The following CACNA1C variants were observed in gnomAD, a reference collection of about 807,000 sequenced individuals.
CACNA1C encodes the protein voltage-dependent L-type calcium channel subunit alpha-1C.
In CACNA1C, 30 loss-of-function variants were observed where a neutral mutation model predicts 229.0. That is an observed-to-expected ratio of 0.13 (90% CI 0.10 to 0.18). The LOEUF is 0.18. Among genes scored for constraint, CACNA1C ranks in the 10% least tolerant of loss-of-function variants. CACNA1C has a pLI of 1.00. For missense variants in CACNA1C, 1,658 were observed against 2,845.0 expected (o/e 0.58, Z 9.49); for synonymous variants, 1,114 against 1,132.5 (o/e 0.98, Z 0.33).
At chr12:2,218,090 C>T (rs527309691) in intron 3 of CACNA1C, among the ~76,000 whole-genome samples, 96 of 152,334 alleles carry the variant, frequency 6.3e-4, no homozygotes, top group African/African-American at 2.3e-3. Context: ...ACACCAGATT[C>T]TTTCTCGGTC....
intron 29 of CACNA1C, among the ~76,000 whole-genome samples, chr12:2,615,570 G>A (rs2080048300): frequency 6.8e-6 from 1 of 147,624 alleles, no homozygotes; most frequent in East Asian, 2.1e-4. Flanking sequence ...GCACTTTGCT[G>A]GAGGTGAGGA....
chr12:2,391,798 C>T (rs1443004106), intron 3 of CACNA1C, among the ~76,000 whole-genome samples: 3 of 152,168 alleles, frequency 2.0e-5, no homozygotes, highest in East Asian at 1.9e-4. Context: ...CCTGGGCTAT[C>T]GAATCCACTA....
At chr12:2,190,115 G>C (rs2097164861) in intron 3 of CACNA1C, among the ~76,000 whole-genome samples, 1 of 152,220 alleles carries the variant, frequency 6.6e-6, no homozygotes, top group Admixed American at 6.5e-5. Context: ...AAAATTTATT[G>C]GAAGGAGGGA....
intron 3 of CACNA1C, among the ~76,000 whole-genome samples, chr12:2,413,057 G>A (rs774064870): frequency 3.3e-5 from 5 of 152,182 alleles, no homozygotes; most frequent in Non-Finnish European, 5.9e-5. Context: ...TCGCTCTGTC[G>A]CCCAGGCTGG....
chr12:2,605,591 T>A lies in CACNA1C; in HGVS notation c.3049-88T>A, dbSNP rs2074950302. On this transcript the variant is annotated intron_variant, in intron 23 of 46. Coordinates refer to ENST00000399655, the MANE Select transcript of CACNA1C (RefSeq NM_000719.7). The surrounding 1 kb of genome is among the most constrained non-coding windows in gnomAD (Gnocchi z 6.2). ...CTCTCAGCCCAATTACTCCCCGTTG[T>A]GGCAAACGGGCTGCCCCTGCTACCT... is the stretch of plus-strand genomic sequence containing the variant. The A allele has an allele frequency of 2.2e-6, 2 of 921,062 alleles. No individual in the cohort carries two copies. The highest frequency in any genetic ancestry group is 2.7e-5 in the South Asian group (2 of 74,418). 57.1% of individuals were successfully genotyped at this position (921,062 alleles called of 1,614,324 possible).
chr12:2,342,854 A>G (rs2096904587), intron 3 of CACNA1C, among the ~76,000 whole-genome samples: 1 of 152,206 alleles, frequency 6.6e-6, no homozygotes, highest in Non-Finnish European at 1.5e-5. Context: ...CCTCCTTCCC[A>G]GCAGTGAAAC....
At chr12:2,558,476 G>T (rs1018690640) in intron 11 of CACNA1C, among the ~76,000 whole-genome samples, 1 of 152,206 alleles carries the variant, frequency 6.6e-6, no homozygotes, top group Non-Finnish European at 1.5e-5. Flanking sequence ...CTATACCTCA[G>T]CTGAGGACAT....
chr12:2,003,558 C>A (rs1174209325), intron 1 of CACNA1C, among the ~76,000 whole-genome samples: 1 of 152,160 alleles, frequency 6.6e-6, no homozygotes, highest in African/African-American at 2.4e-5. Flanking sequence ...AGGCTTCTAC[C>A]CCATTCTAAC....
At chr12:2,500,906 C>G (rs181303721) in intron 7 of CACNA1C, among the ~76,000 whole-genome samples, 7 of 151,978 alleles carry the variant, frequency 4.6e-5, no homozygotes, top group Non-Finnish European at 7.4e-5. Flanking sequence ...CTGCCCCACC[C>G]TCTCAAAAAA....
chr12:2,577,342 G>A (rs150238421), intron 13 of CACNA1C, among the ~76,000 whole-genome samples: 158 of 152,348 alleles, frequency 1.0e-3, no homozygotes, highest in African/African-American at 3.6e-3. Flanking sequence ...TGGGACCAGT[G>A]AATTTGAGAA....
chr12:2,202,637 C>G (rs1455511336), intron 3 of CACNA1C, among the ~76,000 whole-genome samples: 1 of 152,174 alleles, frequency 6.6e-6, no homozygotes, highest in East Asian at 1.9e-4. Context: ...CCTTCCTCCT[C>G]GAAGGCAGCT....
At chr12:2,052,805 C>CCGCCGTGCGCCCCG (rs1274587159), upstream of CACNA1C, among the ~76,000 whole-genome samples, 39 of 145,396 alleles carry the variant, frequency 2.7e-4, no homozygotes, top group African/African-American at 7.9e-4. Context: ...CTCCAGTCCG[C>CCGCCGTGCGCCCCG]CGCCGTGCGC....
chr12:2,596,126 A>G, intron 20 of CACNA1C, 123 bp downstream of exon 20: 1 of 964,214 alleles, frequency 1.0e-6, no homozygotes, highest in Non-Finnish European at 1.5e-6. Context: ...TAGATCCACA[A>G]CTAACATTTC....
chr12:2,137,113 A>G (rs2093609755), intron 3 of CACNA1C, among the ~76,000 whole-genome samples: 1 of 151,222 alleles, frequency 6.6e-6, no homozygotes, highest in East Asian at 1.9e-4. Flanking sequence ...GAGGCTCCAC[A>G]GGTTTTGCCT....
At chr12:2,056,396 A>G (rs2154512682) in intron 1 of CACNA1C, among the ~76,000 whole-genome samples, 2 of 152,154 alleles carry the variant, frequency 1.3e-5, no homozygotes, top group South Asian at 2.1e-4. Context: ...CCAGCCTCCC[A>G]CTTTTCTGGG....
chr12:2,085,417 A>G (rs1057009824), intron 1 of CACNA1C, among the ~76,000 whole-genome samples: 1 of 152,134 alleles, frequency 6.6e-6, no homozygotes, highest in African/African-American at 2.4e-5. Context: ...TAATTTTTCA[A>G]AGTAAATGCA....
intron 34 of CACNA1C, among the ~76,000 whole-genome samples, chr12:2,656,890 A>G (rs1432397663): frequency 6.6e-6 from 1 of 152,248 alleles, no homozygotes; most frequent in Non-Finnish European, 1.5e-5. Flanking sequence ...TACTTTCAAA[A>G]TCATCATTAG....
At chr12:2,519,347 G>A (rs1287700410) in intron 9 of CACNA1C, among the ~76,000 whole-genome samples, 1 of 152,200 alleles carries the variant, frequency 6.6e-6, no homozygotes, top group African/African-American at 2.4e-5. Context: ...AGCACCTTCT[G>A]CCATGCTCTA....
chr12:2,075,967 A>G (rs568999294), intron 1 of CACNA1C, among the ~76,000 whole-genome samples: 57 of 152,340 alleles, frequency 3.7e-4, no homozygotes, highest in African/African-American at 1.3e-3. Flanking sequence ...GATAAAAGTC[A>G]GGGAGGTGGG....
Sources: allele counts gnomAD v4.1 joint callset (sites outside exome capture counted in the v4.1 genomes callset), GRCh38; gene constraint gnomAD v4.1.1; non-coding constraint Gnocchi (gnomAD v3.1); transcripts MANE v1.5; gene names NCBI Gene and HGNC (gene_info 2026-07-23, HGNC 2026-07-21).